The following ENTREP2 variants were observed in gnomAD, a reference collection of about 807,000 sequenced individuals.
The protein encoded by ENTREP2 is endosomal transmembrane epsin interactor 2, also known as protein ENTREP2.
the ENTREP2 span, among the ~76,000 whole-genome samples, chr15:29,311,278 T>G: frequency 6.6e-6 from 1 of 152,246 alleles, no homozygotes; most frequent in Non-Finnish European, 1.5e-5. Flanking sequence ...TATGACCACA[T>G]AACAGTCTGA....
chr15:29,633,522 A>C, the ENTREP2 span, among the ~76,000 whole-genome samples: 1 of 152,084 alleles, frequency 6.6e-6, no homozygotes, highest in Non-Finnish European at 1.5e-5. Flanking sequence ...TGTTTTTAAA[A>C]GGGCCCAGCT....
At chr15:29,243,785 G>T in the ENTREP2 span, among the ~76,000 whole-genome samples, 1 of 152,110 alleles carries the variant, frequency 6.6e-6, no homozygotes. Flanking sequence ...TAACAAAAAT[G>T]ATCCCCAAAA....
the ENTREP2 span, among the ~76,000 whole-genome samples, chr15:29,637,844 T>C: frequency 6.6e-6 from 1 of 152,090 alleles, no homozygotes; most frequent in Non-Finnish European, 1.5e-5. Flanking sequence ...GTCTGAGAAA[T>C]CAAGCTCGTC....
chr15:29,467,143 C>A, the ENTREP2 span, among the ~76,000 whole-genome samples: 2 of 152,126 alleles, frequency 1.3e-5, no homozygotes, highest in African/African-American at 2.4e-5. Flanking sequence ...TCCAGAGGAA[C>A]AGCAGCAGGG....
At chr15:29,168,435 G>A in the ENTREP2 span, among the ~76,000 whole-genome samples, 25 of 152,166 alleles carry the variant, frequency 1.6e-4, no homozygotes, top group South Asian at 2.1e-4. Context: ...CACAATCAGC[G>A]TGTGTGTGTA....
the ENTREP2 span, among the ~76,000 whole-genome samples, chr15:29,415,589 T>G: frequency 6.6e-6 from 1 of 151,810 alleles, no homozygotes; most frequent in Non-Finnish European, 1.5e-5. Flanking sequence ...AAAACTGGCA[T>G]AAGACAGGGA....
chr15:29,199,490 T>C, the ENTREP2 span, among the ~76,000 whole-genome samples: 2 of 152,228 alleles, frequency 1.3e-5, no homozygotes, highest in South Asian at 4.2e-4. Flanking sequence ...TCTAAGAAAA[T>C]GAAGCTGACA....
At chr15:29,405,759 C>T in the ENTREP2 span, among the ~76,000 whole-genome samples, 3 of 152,248 alleles carry the variant, frequency 2.0e-5, no homozygotes, top group Admixed American at 1.3e-4. Flanking sequence ...TGCCATGGCA[C>T]ACATGAGAGT....
the ENTREP2 span, among the ~76,000 whole-genome samples, chr15:29,548,453 T>TAAAAA: frequency 4.6e-3 from 623 of 134,180 alleles, 13 homozygotes; most frequent in African/African-American, 9.7e-3. Flanking sequence ...AGATTCTGCC[T>TAAAAA]AAAAAAAAAA....
At chr15:29,533,287 C>T in the ENTREP2 span, among the ~76,000 whole-genome samples, 2 of 152,188 alleles carry the variant, frequency 1.3e-5, no homozygotes, top group Non-Finnish European at 2.9e-5. Context: ...AATGTCCAGT[C>T]ACCCTGTCTA....
chr15:29,120,405 A>C, the ENTREP2 span: 1 of 152,312 alleles, frequency 6.6e-6, no homozygotes, highest in African/African-American at 2.4e-5. Flanking sequence ...TCTGAGAGTC[A>C]GCATGGGTGG....
chr15:29,540,528 G>T, the ENTREP2 span, among the ~76,000 whole-genome samples: 4 of 152,208 alleles, frequency 2.6e-5, no homozygotes, highest in African/African-American at 9.6e-5. Context: ...AGGAAAACTG[G>T]CAAGTTCACA....
the ENTREP2 span, among the ~76,000 whole-genome samples, chr15:29,148,627 C>A: frequency 6.6e-6 from 1 of 151,318 alleles, no homozygotes; most frequent in African/African-American, 2.4e-5. Context: ...GTGTTTTTTC[C>A]TTGAATAGTG....
chr15:29,440,778 C>T, the ENTREP2 span, among the ~76,000 whole-genome samples: 6 of 152,150 alleles, frequency 3.9e-5, no homozygotes, highest in Admixed American at 6.5e-5. Flanking sequence ...TCCTGAATCC[C>T]AGCACCACTG....
At chr15:29,649,437 T>G in the ENTREP2 span, among the ~76,000 whole-genome samples, 2 of 152,080 alleles carry the variant, frequency 1.3e-5, no homozygotes, top group Admixed American at 6.6e-5. Flanking sequence ...ACAGAAACAC[T>G]GGGCCAGGCG....
chr15:29,414,918 C>G, the ENTREP2 span, among the ~76,000 whole-genome samples: 3 of 152,010 alleles, frequency 2.0e-5, no homozygotes, highest in Admixed American at 6.6e-5. Flanking sequence ...ATAAATTCCT[C>G]GACACATACA....
At chr15:29,130,334 T>G in the ENTREP2 span, among the ~76,000 whole-genome samples, 9 of 152,320 alleles carry the variant, frequency 5.9e-5, no homozygotes, top group African/African-American at 2.2e-4. Flanking sequence ...ACCCACCTGC[T>G]TTTTCACTGA....
chr15:29,249,919 A>C, the ENTREP2 span, among the ~76,000 whole-genome samples: 1 of 152,044 alleles, frequency 6.6e-6, no homozygotes, highest in African/African-American at 2.4e-5. Context: ...AAAGCAAGGA[A>C]GGGAGGTGCC....
At chr15:29,144,188 A>G in the ENTREP2 span, among the ~76,000 whole-genome samples, 1 of 152,230 alleles carries the variant, frequency 6.6e-6, no homozygotes, top group Non-Finnish European at 1.5e-5. Flanking sequence ...TGGTTAATGA[A>G]TAAGAAAGTT....
Sources: gnomAD v4.1 joint callset for allele counts (sites outside exome capture counted in the v4.1 genomes callset) on GRCh38, gnomAD v4.1.1 for gene constraint, MANE v1.5 for transcripts, NCBI Gene and HGNC (gene_info 2026-07-23, HGNC 2026-07-21) for gene names.